The following FBXL20 variants were observed in gnomAD, a reference collection of about 807,000 sequenced individuals.
The protein encoded by FBXL20 is F-box/LRR-repeat protein 20.
A neutral mutation model predicts 64.0 loss-of-function variants in FBXL20; 11 were observed. The observed-to-expected ratio is 0.17, with a 90% CI of 0.11 to 0.28. The LOEUF (loss-of-function observed/expected upper bound fraction) is 0.28. Among genes scored for constraint, FBXL20 ranks in the 10% least tolerant of loss-of-function variants. The pLI is 1.00. For missense variants in FBXL20, 303 were observed against 526.2 expected, an observed-to-expected ratio of 0.58 and a Z score of 4.15; for synonymous variants, 184 against 189.0, an observed-to-expected ratio of 0.97 and a Z score of 0.22.
chr17:39,363,816 A>AAAAAAAAC (rs2047825626), intron 1 of FBXL20, among the ~76,000 whole-genome samples: 1 of 144,106 alleles, frequency 6.9e-6, no homozygotes, highest in Non-Finnish European at 1.5e-5. Flanking sequence ...ATCTCAAAAA[A>AAAAAAAAC]AAAAAAAAAA....
chr17:39,388,350 T>C (rs1406621800), intron 1 of FBXL20, among the ~76,000 whole-genome samples: 1 of 151,778 alleles, frequency 6.6e-6, no homozygotes, highest in East Asian at 1.9e-4. Flanking sequence ...TTCCAGCTAC[T>C]CGGGAAGGTG....
intron 1 of FBXL20, among the ~76,000 whole-genome samples, chr17:39,349,547 C>T (rs1270140987): frequency 6.6e-6 from 1 of 151,632 alleles, no homozygotes; most frequent in Non-Finnish European, 1.5e-5. Flanking sequence ...GTGTTTACAC[C>T]ACTGTACTCC....
chr17:39,381,490 A>C (rs1567904232), intron 1 of FBXL20, among the ~76,000 whole-genome samples: 1 of 151,468 alleles, frequency 6.6e-6, no homozygotes, highest in South Asian at 2.1e-4. Context: ...AAAAAAAAAA[A>C]AAAAAAAAAG....
chr17:39,392,102 A>C (rs894873467), intron 1 of FBXL20, among the ~76,000 whole-genome samples: 2 of 152,092 alleles, frequency 1.3e-5, no homozygotes, highest in Non-Finnish European at 2.9e-5. Flanking sequence ...ACGCCACTGC[A>C]CTCTAGCCCA....
At chr17:39,277,280 G>A (rs2046906481) in intron 9 of FBXL20, among the ~76,000 whole-genome samples, 1 of 152,184 alleles carries the variant, frequency 6.6e-6, no homozygotes, top group Non-Finnish European at 1.5e-5. Flanking sequence ...ATTGTCTTTA[G>A]ACTATGATAG....
intron 2 of FBXL20, among the ~76,000 whole-genome samples, chr17:39,323,362 A>T (rs2144519015): frequency 6.6e-6 from 1 of 152,266 alleles, no homozygotes; most frequent in Middle Eastern, 3.4e-3. Flanking sequence ...CAGAGAGGAA[A>T]TTCAGTAACA....
intron 1 of FBXL20, among the ~76,000 whole-genome samples, chr17:39,396,721 T>G (rs2048187598): frequency 2.0e-5 from 3 of 151,888 alleles, no homozygotes; most frequent in African/African-American, 7.3e-5. Flanking sequence ...TTTGGGAGGC[T>G]GAGGTGGGCG....
intron 1 of FBXL20, 152 bp downstream of exon 1, chr17:39,401,209 G>C: frequency 6.7e-7 from 1 of 1,492,222 alleles, no homozygotes; most frequent in Non-Finnish European, 9.0e-7. Context: ...CTGGGCTTCT[G>C]GGTCGCAAGA....
At position 39,379,372 on chromosome 17, in the gene FBXL20, G is replaced by C. The variant is rs116983021; in HGVS notation, c.42+21989C>G. Among the ~76,000 whole-genome samples, 1,155 of 151,164 alleles carry C rather than the reference G, an allele frequency of 7.6e-3. 5 individuals are homozygous for C. The highest frequency in any genetic ancestry group is 0.012 in the Non-Finnish European group (797 of 67,896). ...AAACACTTTGGTGATTCCTTAAAAA[G>C]TCAAACATAGAAATTCTAACTTTGG... On this transcript the variant is annotated intron_variant, in intron 1 of 14. Transcript: ENST00000264658.
rs763668096 is a variant in FBXL20 at position 39,297,107 on chromosome 17, C to T, written c.398+20G>A. ...ACATAAGGGGTTATGACTTATCCTC[C>T]AAAAACATAAAATACTTACGCGTCT... On this transcript the variant is annotated intron_variant, in intron 6 of 14. Transcript: ENST00000264658. 6 of 1,584,724 alleles carry T rather than the reference C, an allele frequency of 3.8e-6. No individual in the cohort carries two copies. Among genetic ancestry groups the T allele is most frequent in the Non-Finnish European group, 5.2e-6 (6 of 1,157,916 alleles).
intron 1 of FBXL20, among the ~76,000 whole-genome samples, chr17:39,397,971 A>C (rs997021468): frequency 1.4e-5 from 2 of 146,538 alleles, no homozygotes; most frequent in African/African-American, 5.0e-5. Context: ...CAGAATCGTA[A>C]AACTAGAGGT....
chr17:39,281,067 C>G lies in FBXL20; in HGVS notation c.696+322G>C, dbSNP rs539326594. Reference sequence around the variant, plus strand: ...GCATGAGCCACCGTGCCCAGCTTGACTGCAATTTTAAATACTAAACTTGTG... The same window carrying G: ...GCATGAGCCACCGTGCCCAGCTTGAGTGCAATTTTAAATACTAAACTTGTG... On this transcript the variant is annotated intron_variant, in intron 9 of 14. Coordinates refer to ENST00000264658, the MANE Select transcript of FBXL20 (RefSeq NM_032875.3). Among the ~76,000 whole-genome samples the G allele has an allele frequency of 2.6e-5, 4 of 152,260 alleles. No individual in the cohort carries two copies. The East Asian group carries it at 7.7e-4, about 29-fold the overall frequency.
At chr17:39,320,190 T>C (rs1327087601) in intron 2 of FBXL20, among the ~76,000 whole-genome samples, 1 of 152,234 alleles carries the variant, frequency 6.6e-6, no homozygotes, top group Non-Finnish European at 1.5e-5. Flanking sequence ...TGTCTGCCTC[T>C]TGAAGAATTC....
intron 1 of FBXL20, among the ~76,000 whole-genome samples, chr17:39,385,168 G>A (rs918936644): frequency 7.9e-5 from 12 of 152,074 alleles, no homozygotes; most frequent in African/African-American, 2.9e-4. Flanking sequence ...GCTGCAGTGA[G>A]CTATGATGGC....
chr17:39,272,885 T>C (rs1423948331), intron 10 of FBXL20, among the ~76,000 whole-genome samples: 1 of 152,160 alleles, frequency 6.6e-6, no homozygotes. Flanking sequence ...GACTCCTCTC[T>C]CTACAGTCGA....
At chr17:39,276,289 T>A (rs1177083006) in intron 9 of FBXL20, among the ~76,000 whole-genome samples, 2,517 of 58,116 alleles carry the variant, frequency 0.043, no homozygotes, top group Middle Eastern at 0.083. Context: ...AAAGAAGGAA[T>A]AAAGAAAGGA....
rs562085447 is a variant in FBXL20, at chr17:39,265,506, G to A, written c.934-53C>T. 1.0e-5 allele frequency: 14 copies of A among 1,350,658 alleles called. No individual in the cohort carries two copies. In the East Asian group the frequency reaches 3.0e-4, roughly 29 times the overall value. 83.7% of individuals were successfully genotyped at this position (1,350,658 alleles called of 1,614,324 possible). On this transcript the variant is annotated intron_variant, in intron 12 of 14. Transcript: ENST00000264658. ...AGGTATAATCCAAATAAAATCCTGA[G>A]TCATACCTGATTCTTTTTTCTTTTA...
chr17:39,387,042 C>T (rs1210077575), intron 1 of FBXL20, among the ~76,000 whole-genome samples: 5 of 152,262 alleles, frequency 3.3e-5, no homozygotes, highest in South Asian at 4.1e-4. Context: ...GATTTTTTGA[C>T]GTTACAATGG....
chr17:39,293,422 C>T (rs1323316004), intron 6 of FBXL20, among the ~76,000 whole-genome samples: 1 of 151,868 alleles, frequency 6.6e-6, no homozygotes, highest in Non-Finnish European at 1.5e-5. Context: ...GGGGTTTCAC[C>T]ATGTTGGCCA....
Sources: allele counts gnomAD v4.1 joint callset (sites outside exome capture counted in the v4.1 genomes callset), GRCh38; gene constraint gnomAD v4.1.1; transcripts MANE v1.5; gene names NCBI Gene and HGNC (gene_info 2026-07-23, HGNC 2026-07-21).